Variants in CAMTA1 observed in about 807,000 individuals in gnomAD.
The protein encoded by CAMTA1 is calmodulin-binding transcription activator 1.
Under a neutral mutation model 170.9 loss-of-function variants are expected in CAMTA1, and 27 were observed. That is an observed-to-expected ratio of 0.16 (90% confidence interval 0.12 to 0.22). The LOEUF is 0.22. CAMTA1 is among the 10% of genes least tolerant of loss of function. CAMTA1 has a pLI of 1.00. For missense variants in CAMTA1, 1,619 were observed against 2,217.2 expected, an observed-to-expected ratio of 0.73 and a Z score of 5.42; for synonymous variants, 833 against 891.5, an observed-to-expected ratio of 0.93 and a Z score of 1.17.
At chr1:6,924,437 A>T (rs571879079) in intron 3 of CAMTA1, among the ~76,000 whole-genome samples, 5 of 151,760 alleles carry the variant, frequency 3.3e-5, no homozygotes, top group African/African-American at 1.2e-4. Flanking sequence ...TGCCCACCCC[A>T]CCCCTGAGCT....
chr1:7,290,130 G>A (rs1307818443), intron 5 of CAMTA1, among the ~76,000 whole-genome samples: 4 of 152,172 alleles, frequency 2.6e-5, no homozygotes, highest in Non-Finnish European at 5.9e-5. Context: ...GAAAATACTG[G>A]GAATTGTACA....
At chr1:6,913,731 T>G (rs1202071325) in intron 3 of CAMTA1, among the ~76,000 whole-genome samples, 4 of 151,382 alleles carry the variant, frequency 2.6e-5, no homozygotes, top group Non-Finnish European at 5.9e-5. Context: ...GGAGGGAGAT[T>G]GTGGGAGGAG....
At chr1:7,390,102 C>T (rs892712151) in intron 5 of CAMTA1, among the ~76,000 whole-genome samples, 23 of 152,264 alleles carry the variant, frequency 1.5e-4, no homozygotes, top group Admixed American at 3.3e-4. Flanking sequence ...AGAGCCCGGG[C>T]GACGGCGCAG....
chr1:7,508,474 C>T (rs1036272053), intron 6 of CAMTA1, among the ~76,000 whole-genome samples: 5 of 152,128 alleles, frequency 3.3e-5, no homozygotes, highest in African/African-American at 7.2e-5. Flanking sequence ...AAGCAGGGGG[C>T]GGACTAAAGT....
intron 4 of CAMTA1, among the ~76,000 whole-genome samples, chr1:7,123,647 TA>T (rs1455921331): frequency 2.0e-5 from 3 of 152,226 alleles, no homozygotes; most frequent in African/African-American, 7.2e-5. Flanking sequence ...GCCTGGGTAG[TA>T]CCTTGGCCCC....
chr1:7,756,821 C>T (rs2096934727), intron 22 of CAMTA1, among the ~76,000 whole-genome samples: 1 of 152,042 alleles, frequency 6.6e-6, no homozygotes, highest in African/African-American at 2.4e-5. Context: ...GCACTCCAGC[C>T]TGAGCAACAG....
chr1:6,861,321 C>G (rs1664610269), intron 3 of CAMTA1, among the ~76,000 whole-genome samples: 1 of 152,134 alleles, frequency 6.6e-6, no homozygotes, highest in South Asian at 2.1e-4. Context: ...TCAGTAAGAT[C>G]ACATCATCTT....
intron 4 of CAMTA1, among the ~76,000 whole-genome samples, chr1:7,185,155 A>T (rs1436467678): frequency 6.6e-6 from 1 of 152,250 alleles, no homozygotes; most frequent in Non-Finnish European, 1.5e-5. Context: ...TTGAGGTATC[A>T]GTATGAACAC....
chr1:7,221,578 T>C (rs1042147451), intron 4 of CAMTA1, among the ~76,000 whole-genome samples: 1 of 152,056 alleles, frequency 6.6e-6, no homozygotes, highest in Non-Finnish European at 1.5e-5. Flanking sequence ...GGCAGACCAG[T>C]GAATGCGTCG....
intron 4 of CAMTA1, among the ~76,000 whole-genome samples, chr1:7,094,659 C>T (rs1641857641): frequency 6.6e-6 from 1 of 152,030 alleles, no homozygotes; most frequent in South Asian, 2.1e-4. Context: ...GAGAAGGCCC[C>T]GGGAGCCCCA....
rs138658724 is a variant in CAMTA1, at chr1:7,487,635, C to T, written c.510+19734C>T. Among the ~76,000 whole-genome samples, 826 of 152,296 alleles carry T rather than the reference C, an allele frequency of 5.4e-3. 9 individuals carry two copies. Among genetic ancestry groups the T allele is most frequent in the African/African-American group, 0.019 (792 of 41,560 alleles). On this transcript the variant is annotated intron_variant, in intron 6 of 22. Coordinates refer to ENST00000303635, the MANE Select transcript of CAMTA1 (RefSeq NM_015215.4). ...GCAGGTGAGGCTGAGGCTGAGGATG[C>T]GGTGTCTTCTCAGCTCTCTGGTCCC...
At chr1:7,400,033 T>C (rs2089770908) in intron 5 of CAMTA1, among the ~76,000 whole-genome samples, 1 of 152,232 alleles carries the variant, frequency 6.6e-6, no homozygotes, top group South Asian at 2.1e-4. Context: ...ACTTGGACAA[T>C]TTTCAACTAT....
At chr1:7,689,242 G>A (rs1576893401) in intron 11 of CAMTA1, among the ~76,000 whole-genome samples, 1 of 141,522 alleles carries the variant, frequency 7.1e-6, no homozygotes, top group African/African-American at 2.7e-5. Flanking sequence ...ACTCCAACCT[G>A]GATGACAAAA....
chr1:7,261,707 C>A (rs931764339), intron 5 of CAMTA1, among the ~76,000 whole-genome samples: 1 of 152,190 alleles, frequency 6.6e-6, no homozygotes, highest in African/African-American at 2.4e-5. Flanking sequence ...CGGCATGTGG[C>A]GCCCCAGCCA....
chr1:7,533,493 G>A (rs899365501), intron 6 of CAMTA1, among the ~76,000 whole-genome samples: 2 of 152,250 alleles, frequency 1.3e-5, no homozygotes, highest in Non-Finnish European at 2.9e-5. Context: ...AAGGGAGGTA[G>A]AGGTGGGGTG....
At chr1:7,657,487 C>T (rs759344678) in intron 7 of CAMTA1, among the ~76,000 whole-genome samples, 4 of 152,180 alleles carry the variant, frequency 2.6e-5, no homozygotes, top group Non-Finnish European at 5.9e-5. Context: ...CAAGACATGT[C>T]ATGACCTTAC....
intron 6 of CAMTA1, among the ~76,000 whole-genome samples, chr1:7,567,998 A>C (rs2095064131): frequency 6.6e-6 from 1 of 152,202 alleles, no homozygotes; most frequent in Non-Finnish European, 1.5e-5. Flanking sequence ...TGAGTTAATA[A>C]ATAGCATGCT....
chr1:6,825,051 A>C, intron 2 of CAMTA1, 41 bp from the exon 3 acceptor site: 4 of 1,172,446 alleles, frequency 3.4e-6, no homozygotes, highest in Non-Finnish European at 5.0e-6. Flanking sequence ...AGGAGATTTT[A>C]TCTATTATTT....
intron 3 of CAMTA1, among the ~76,000 whole-genome samples, chr1:6,974,242 A>G (rs1353825492): frequency 3.3e-5 from 5 of 152,218 alleles, no homozygotes; most frequent in Non-Finnish European, 5.9e-5. Flanking sequence ...CCGGAGTCGG[A>G]GAATCCAATT....
Sources: gnomAD v4.1 joint callset for allele counts (sites outside exome capture counted in the v4.1 genomes callset) on GRCh38, gnomAD v4.1.1 for gene constraint, MANE v1.5 for transcripts, NCBI Gene and HGNC (gene_info 2026-07-23, HGNC 2026-07-21) for gene names.